Variants in GNPAT observed in about 807,000 individuals in gnomAD.
GNPAT encodes dihydroxyacetone phosphate acyltransferase.
A neutral mutation model predicts 78.4 loss-of-function variants in GNPAT; 30 were observed. The ratio of observed to expected loss-of-function variants is 0.38; its 90% CI spans 0.29 to 0.52. The LOEUF is 0.52. Ranked by LOEUF, GNPAT falls within the 20% of genes least tolerant of loss-of-function variation. The pLI is 0.84. For synonymous variants in GNPAT, 271 were observed against 281.1 expected, an observed-to-expected ratio of 0.96 and a Z score of 0.36; for missense variants, 714 against 812.2, an observed-to-expected ratio of 0.88 and a Z score of 1.47.
chr1:231,267,611 A>C (rs1685427589), intron 8 of GNPAT, 69 bp from the exon 9 acceptor site: 6 of 909,208 alleles, frequency 6.6e-6, no homozygotes, highest in Admixed American at 5.1e-5. Context: ...AAACGTCTAG[A>C]GTCTTTTTCC....
At chr1:231,267,186 T>C (rs990915380) in intron 8 of GNPAT, among the ~76,000 whole-genome samples, 2 of 152,220 alleles carry the variant, frequency 1.3e-5, no homozygotes, top group Non-Finnish European at 2.9e-5. Flanking sequence ...GTATCTCTGC[T>C]CCAGCCAGCT....
In GNPAT at chr1:231,249,632, G is replaced by GTGGGAAAAGAAGTGAC. The variant is rs1378752775; in HGVS notation, c.79-1328_79-1313dup. ...ATACATACCATAATAGGTGTAGTTAGTGGGAAAAGAAGTGACAGGGAAAAT... is the reference window on the plus strand; with the variant it reads ...ATACATACCATAATAGGTGTAGTTAGTGGGAAAAGAAGTGACTGGGAAAAGAAGTGACAGGGAAAAT... On this transcript the variant is annotated intron_variant, in intron 1 of 15. Transcript: ENST00000366647. Among the ~76,000 whole-genome samples, 9 of 152,320 alleles carry GTGGGAAAAGAAGTGAC rather than the reference G, an allele frequency of 5.9e-5. 1 individual carries two copies. In the South Asian group the frequency reaches 1.7e-3, roughly 28 times the overall value.
At chr1:231,257,602 A>G (rs756414911) in intron 2 of GNPAT, among the ~76,000 whole-genome samples, 1 of 152,106 alleles carries the variant, frequency 6.6e-6, no homozygotes, top group South Asian at 2.1e-4. Flanking sequence ...TGTCTGCCCC[A>G]TAAGTGCTTC....
At chr1:231,266,459 G>A (rs758954154) in intron 8 of GNPAT, 52 bp downstream of exon 8, 1 of 1,498,384 alleles carries the variant, frequency 6.7e-7, no homozygotes, top group Non-Finnish European at 9.3e-7. Flanking sequence ...AAAATCCAAA[G>A]GTGTGAGTTG....
chr1:231,244,540 T>C (rs527944146), intron 1 of GNPAT, among the ~76,000 whole-genome samples: 1 of 152,228 alleles, frequency 6.6e-6, no homozygotes, highest in Admixed American at 6.5e-5. Flanking sequence ...ATAAGAAATA[T>C]GGGGAGAGGA....
At chr1:231,246,404 T>A (rs1429853828) in intron 1 of GNPAT, among the ~76,000 whole-genome samples, 16 of 152,262 alleles carry the variant, frequency 1.1e-4, no homozygotes, top group Admixed American at 1.0e-3. Context: ...GCCTTGTTCA[T>A]GCTGTATTCA....
chr1:231,274,413 A>G (rs950636529), intron 12 of GNPAT, among the ~76,000 whole-genome samples: 2 of 152,240 alleles, frequency 1.3e-5, no homozygotes, highest in Non-Finnish European at 2.9e-5. Flanking sequence ...GGTTTGATAT[A>G]TATCAGGCAC....
In GNPAT at chr1:231,241,310, G is replaced by A; in HGVS notation, c.-69G>A. ...TAGGGCCGTCCTGAGCGAAAGAACC[G>A]CCCCCAGCAGGAGCACCACCACGGC... is the stretch of plus-strand genomic sequence containing the variant. On this transcript the variant is annotated 5_prime_UTR_variant, in exon 1 of 16. Transcript: ENST00000366647. 1 of 1,441,828 alleles carries A rather than the reference G, an allele frequency of 6.9e-7. No individual in the cohort carries two copies. The highest frequency in any genetic ancestry group is 9.8e-7 in the Non-Finnish European group (1 of 1,022,812). 89.3% of individuals were successfully genotyped at this position (1,441,828 alleles called of 1,614,324 possible).
Position 231,277,484 on chromosome 1 carries a change from CT to C in GNPAT, c.2000-9del, listed in dbSNP as rs1558341601. ...CAGCATCATTTCATGAGCTGCTTCT[CT>C]TTTTTCATCTTAGGTTGTAAGACAC... On this transcript the variant is annotated splice_polypyrimidine_tract_variant and intron_variant, in intron 15 of 15. Transcript: ENST00000366647. 6.4e-7 allele frequency: 1 copy of C among 1,554,500 alleles called. No homozygotes were observed. The highest frequency in any genetic ancestry group is 8.9e-7 in the Non-Finnish European group (1 of 1,125,582).
intron 2 of GNPAT, among the ~76,000 whole-genome samples, chr1:231,254,635 A>G (rs1204473034): frequency 2.0e-5 from 3 of 150,392 alleles, no homozygotes; most frequent in Admixed American, 6.6e-5. Flanking sequence ...TTTTTAGTAG[A>G]GACAGGGTTT....
intron 12 of GNPAT, 142 bp from the exon 13 acceptor site, chr1:231,275,079 T>C: frequency 1.5e-6 from 1 of 648,272 alleles, no homozygotes; most frequent in Non-Finnish European, 2.8e-6. Context: ...TTTTCTGGGC[T>C]CATTCCTTGG....
chr1:231,251,110 C>T lies in GNPAT; in HGVS notation c.228C>T (p.Leu76=). The T allele has an allele frequency of 6.3e-7, 1 of 1,595,298 alleles. No individual in the cohort carries two copies. The highest frequency in any genetic ancestry group is 8.6e-7 in the Non-Finnish European group (1 of 1,164,192). ...CKPIDIKCSV[L]NSEEIHYVIK... ...CAATTGATATTAAATGTAGTGTTCT[C>T]AATTCTGAGGAGATTCATTATGTCA... Residue 76 remains leucine (L), a synonymous_variant, in exon 2 of 16, where the codon CTC becomes CTT. Transcript: ENST00000366647.
chr1:231,260,376 A>G, intron 2 of GNPAT, 131 bp from the exon 3 acceptor site: 1 of 732,960 alleles, frequency 1.4e-6, no homozygotes, highest in Non-Finnish European at 2.4e-6. Flanking sequence ...GAAGTTGTCA[A>G]TTAAGAAGAC....
At chr1:231,276,624 C>T (rs1446037547) in intron 15 of GNPAT, among the ~76,000 whole-genome samples, 1 of 152,210 alleles carries the variant, frequency 6.6e-6, no homozygotes, top group Non-Finnish European at 1.5e-5. Context: ...GGGCTGATAG[C>T]ACATCCTTGG....
chr1:231,256,831 C>T (rs1685082781), intron 2 of GNPAT, among the ~76,000 whole-genome samples: 1 of 152,316 alleles, frequency 6.6e-6, no homozygotes, highest in East Asian at 1.9e-4. Flanking sequence ...ATCTCCACCT[C>T]TGCTGCCACC....
chr1:231,258,027 A>G (rs1256107452), intron 2 of GNPAT, among the ~76,000 whole-genome samples: 1 of 152,010 alleles, frequency 6.6e-6, no homozygotes, highest in African/African-American at 2.4e-5. Context: ...AACTATTTCC[A>G]TAGGTTTACG....
At position 231,265,441 on chromosome 1, in the gene GNPAT, A is replaced by G. The variant is rs747558536; in HGVS notation, c.696+21A>G. The stretch of plus-strand genomic sequence containing the variant: ...TACGGGTAAATGCAAATAATTCCCA[A>G]CTACTCTTAAGCCATATTTTCTTCA... On this transcript the variant is annotated intron_variant, in intron 5 of 15. Coordinates refer to ENST00000366647, the MANE Select transcript of GNPAT (RefSeq NM_014236.4). The G allele has an allele frequency of 1.5e-5, 24 of 1,577,704 alleles. No homozygotes were observed. The South Asian group carries it at 2.7e-4, about 17-fold the overall frequency.
At chr1:231,273,826 G>A in intron 11 of GNPAT, 96 bp from the exon 12 acceptor site, 1 of 923,740 alleles carries the variant, frequency 1.1e-6, no homozygotes. Flanking sequence ...CAGATAGGCA[G>A]TGTATCCATT....
intron 15 of GNPAT, among the ~76,000 whole-genome samples, chr1:231,277,292 C>T (rs574303752): frequency 1.3e-5 from 2 of 152,314 alleles, no homozygotes; most frequent in Admixed American, 1.3e-4. Flanking sequence ...CTGGCCCTGG[C>T]CCTGTGGCTC....
Sources: allele counts gnomAD v4.1 joint callset (sites outside exome capture counted in the v4.1 genomes callset), GRCh38; gene constraint gnomAD v4.1.1; transcripts MANE v1.5; gene names NCBI Gene and HGNC (gene_info 2026-07-23, HGNC 2026-07-21).